DOCK9: variants seen among roughly 807,000 people sequenced by gnomAD.
DOCK9 encodes the protein dedicator of cytokinesis 9, also known as dedicator of cytokinesis protein 9.
In DOCK9, 89 loss-of-function variants were observed where a neutral mutation model predicts 263.3. The ratio of observed to expected loss-of-function variants is 0.34; its 90% CI spans 0.28 to 0.40. DOCK9 has a LOEUF of 0.40. Ranked by LOEUF, DOCK9 falls within the 10% of genes least tolerant of loss-of-function variation. The probability of loss-of-function intolerance (pLI) is 1.00; values close to 1 mark genes in which losing one functional copy is unlikely to be tolerated. For synonymous variants in DOCK9, 976 were observed against 973.1 expected (o/e 1.00, Z -0.06); for missense variants, 2,140 against 2,603.4 (o/e 0.82, Z 3.87).
intron 1 of DOCK9, among the ~76,000 whole-genome samples, chr13:99,002,136 A>C (rs1882464797): frequency 6.6e-6 from 1 of 152,152 alleles, no homozygotes; most frequent in South Asian, 2.1e-4. Flanking sequence ...TTCTAGTAAA[A>C]AGTAAATCTA....
intron 38 of DOCK9, among the ~76,000 whole-genome samples, chr13:98,845,159 C>T (rs773699015): frequency 2.0e-5 from 3 of 152,164 alleles, no homozygotes; most frequent in Admixed American, 6.5e-5. Context: ...ATGCCTTGTC[C>T]CCTCTGCTGA....
At chr13:98,834,671 C>T (rs1240356159) in intron 39 of DOCK9, 1 of 152,204 alleles carries the variant, frequency 6.6e-6, no homozygotes, top group African/African-American at 2.4e-5. Context: ...TAATAATAGA[C>T]ATTAGAAAAA....
At chr13:99,086,957 GT>G (rs1270760828), upstream of DOCK9, among the ~76,000 whole-genome samples, 1 of 152,070 alleles carries the variant, frequency 6.6e-6, no homozygotes, top group Non-Finnish European at 1.5e-5. Context: ...ACGATGCGCG[GT>G]TTCGGAGCAG....
At chr13:98,925,777 T>C in intron 4 of DOCK9, 60 bp downstream of exon 4, 3 of 1,177,500 alleles carry the variant, frequency 2.5e-6, no homozygotes, top group Non-Finnish European at 2.4e-6. Flanking sequence ...GTTACATACC[T>C]CCCCCCAAGC....
chr13:98,794,853 CAG>C, intron 52 of DOCK9, 105 bp from the exon 53 acceptor site: 1 of 1,355,262 alleles, frequency 7.4e-7, no homozygotes, highest in East Asian at 2.3e-5. Flanking sequence ...CAAAATGTTA[CAG>C]AGTTTAAGGC....
At chr13:99,040,519 G>A (rs1206306710) in intron 1 of DOCK9, among the ~76,000 whole-genome samples, 1 of 152,100 alleles carries the variant, frequency 6.6e-6, no homozygotes, top group African/African-American at 2.4e-5. Flanking sequence ...AATTGTACAT[G>A]GTGATTGTAT....
chr13:98,849,259 G>T (rs1233308060), intron 36 of DOCK9, among the ~76,000 whole-genome samples: 2 of 152,156 alleles, frequency 1.3e-5, no homozygotes, highest in African/African-American at 4.8e-5. Flanking sequence ...TGAGGGCCAG[G>T]CCCACAGTCT....
chr13:99,077,282 G>C (rs1179251600), intron 1 of DOCK9, among the ~76,000 whole-genome samples: 1 of 152,192 alleles, frequency 6.6e-6, no homozygotes, highest in Non-Finnish European at 1.5e-5. Flanking sequence ...CAGTGTTGGA[G>C]GAGGGGCCTG....
chr13:98,902,612 G>T, intron 11 of DOCK9, 121 bp from the exon 12 acceptor site: 1 of 875,366 alleles, frequency 1.1e-6, no homozygotes, highest in Non-Finnish European at 1.7e-6. Flanking sequence ...CTACTAAACA[G>T]TCTCATCCTT....
At chr13:99,002,316 A>C (rs1289524377) in intron 1 of DOCK9, among the ~76,000 whole-genome samples, 1 of 152,150 alleles carries the variant, frequency 6.6e-6, no homozygotes, top group East Asian at 1.9e-4. Flanking sequence ...GCAAGCCTTC[A>C]GGCTTGAACA....
In DOCK9 at chr13:98,880,628, T is replaced by C. The variant is rs376323799; in HGVS notation, c.2790A>G (p.Thr930=). 2 of 1,613,928 alleles carry C rather than the reference T, an allele frequency of 1.2e-6. No homozygotes were observed. Among genetic ancestry groups the C allele is most frequent in the Admixed American group, 3.3e-5 (2 of 60,022 alleles). The part of the protein sequence containing the change: ...AEPYVASEYK[T]VHEELTKSMT... ...TGGATTTGGTCAGTTCTTCATGCACTGTCTTGTATTCAGAGGCAACATATG... is the reference window on the plus strand; with the variant it reads ...TGGATTTGGTCAGTTCTTCATGCACCGTCTTGTATTCAGAGGCAACATATG... The change falls in exon 26 of 53, where the codon ACA becomes ACG. Residue 930 remains threonine (T), a synonymous_variant. Coordinates refer to ENST00000682017, the MANE Select transcript of DOCK9 (RefSeq NM_001366683.2).
upstream of DOCK9, among the ~76,000 whole-genome samples, chr13:98,982,623 T>A (rs745583123): frequency 4.2e-4 from 64 of 152,226 alleles, no homozygotes; most frequent in Non-Finnish European, 1.9e-4. Context: ...CACGATGTAT[T>A]TGCTGAACTG....
At chr13:98,945,210 T>A (rs1019186648) in intron 2 of DOCK9, among the ~76,000 whole-genome samples, 9 of 152,250 alleles carry the variant, frequency 5.9e-5, no homozygotes, top group African/African-American at 2.2e-4. Flanking sequence ...ACTTCGTATT[T>A]CAATTTGATA....
At chr13:99,031,355 A>T (rs1440537101) in intron 1 of DOCK9, among the ~76,000 whole-genome samples, 1 of 152,216 alleles carries the variant, frequency 6.6e-6, no homozygotes, top group Non-Finnish European at 1.5e-5. Flanking sequence ...AACTTGACCA[A>T]AGTCACCCAG....
chr13:98,913,064 T>C (rs2050310871), intron 9 of DOCK9, among the ~76,000 whole-genome samples: 1 of 152,152 alleles, frequency 6.6e-6, no homozygotes, highest in South Asian at 2.1e-4. Context: ...AGGCAGGTGC[T>C]AAAAAGATAC....
intron 15 of DOCK9, among the ~76,000 whole-genome samples, chr13:98,894,584 G>A (rs1330867577): frequency 6.6e-6 from 1 of 151,972 alleles, no homozygotes; most frequent in Non-Finnish European, 1.5e-5. Context: ...ATTAAGAGTT[G>A]CATGGTAGTT....
chr13:98,870,797 G>A (rs1415145814), intron 27 of DOCK9, among the ~76,000 whole-genome samples: 1 of 151,710 alleles, frequency 6.6e-6, no homozygotes, highest in Non-Finnish European at 1.5e-5. Flanking sequence ...ACACGGGGCA[G>A]AGAACCACGT....
Position 98,829,688 on chromosome 13 carries a change from G to A in DOCK9, c.4704C>T (p.Ser1568=). ...TGGCACAGTTGTTGATGATGGACAG[G>A]GACTGCTGGAATCTGGTTCCCCCAA... is the stretch of plus-strand genomic sequence containing the variant. ...VGIGGTRFQQ[S]LSIINNCANS... The change falls in exon 42 of 53, where the codon TCC becomes TCT. Residue 1568 remains serine, a synonymous_variant. Coordinates refer to ENST00000682017, the MANE Select transcript of DOCK9 (RefSeq NM_001366683.2). The surrounding 1 kb of genome is among the most constrained non-coding windows in gnomAD (Gnocchi z 4.1). 1 of 1,610,308 alleles carries A rather than the reference G, an allele frequency of 6.2e-7. No homozygotes were observed. Among genetic ancestry groups the A allele is most frequent in the Non-Finnish European group, 8.5e-7 (1 of 1,178,342 alleles).
chr13:98,874,788 T>A (rs2094286910), intron 27 of DOCK9, among the ~76,000 whole-genome samples: 1 of 152,212 alleles, frequency 6.6e-6, no homozygotes, highest in South Asian at 2.1e-4. Flanking sequence ...ACTCTGCTAA[T>A]CTTTATACTC....
Sources: gnomAD v4.1 joint callset for allele counts (sites outside exome capture counted in the v4.1 genomes callset) on GRCh38, gnomAD v4.1.1 for gene constraint, Gnocchi (gnomAD v3.1) non-coding constraint, MANE v1.5 for transcripts, NCBI Gene and HGNC (gene_info 2026-07-23, HGNC 2026-07-21) for gene names.